RYR1: variants seen among roughly 807,000 people sequenced by gnomAD.
RYR1 encodes the protein central core disease of muscle.
In RYR1, 342 loss-of-function variants were observed where a neutral mutation model predicts 583.5. The ratio of observed to expected loss-of-function variants is 0.59; its 90% CI spans 0.54 to 0.64. The LOEUF (loss-of-function observed/expected upper bound fraction) is 0.64, where lower values mean the gene tolerates loss of function less well. RYR1 is among the 30% of genes least tolerant of loss of function. RYR1 has a pLI of 0.00. For missense variants in RYR1, 6,032 were observed against 6,917.2 expected, an observed-to-expected ratio of 0.87 and a Z score of 4.54; for synonymous variants, 2,791 against 2,822.5, an observed-to-expected ratio of 0.99 and a Z score of 0.35.
intron 101 of RYR1, among the ~76,000 whole-genome samples, chr19:38,582,379 G>A (rs1405537465): frequency 2.0e-5 from 3 of 148,288 alleles, no homozygotes; most frequent in East Asian, 2.0e-4. Flanking sequence ...CCTAGGCAAC[G>A]AGAGTGAAAC....
Position 38,565,769 on chromosome 19 carries a change from G to C in RYR1, c.13435G>C (p.Gly4479Arg), listed in dbSNP as rs1461963903. Residue 4479 changes from glycine (G) to arginine (R), a missense_variant and splice_region_variant, in exon 91 of 106, where the codon GGG becomes CGG. Physicochemically the swap from Gly to Arg is moderately radical, Grantham distance 125 (BLOSUM62 -2). Around this residue, in one of 11 missense-constraint regions of RYR1, gnomAD observed 753 missense variants for 759.6 expected, o/e 0.99. Coordinates refer to ENST00000359596, the MANE Select transcript of RYR1 (RefSeq NM_000540.3). This position sits in a 1 kb window ranked among gnomAD's most constrained non-coding sequence, Gnocchi z 4.7. The stretch of plus-strand genomic sequence containing the variant: ...CTCTCCCATCCTCAAGAGGAAATTG[G>C]GGGTGAGAGAGCAGGCGGGGTTTTG... ...EGSPILKRKLGVDGVEEELPP... is the reference protein window; with the variant it reads ...EGSPILKRKLRVDGVEEELPP... 2.1e-6 allele frequency: 3 copies of C among 1,399,882 alleles called. No individual in the cohort carries two copies. The highest frequency in any genetic ancestry group is 2.8e-6 in the Non-Finnish European group (3 of 1,086,442). 86.7% of individuals were successfully genotyped at this position (1,399,882 alleles called of 1,614,324 possible). A position where few individuals can be genotyped will look rare whatever the true frequency, so the allele number is the denominator to read the frequency against.
At chr19:38,527,842 A>T in intron 73 of RYR1, 58 bp downstream of exon 73, 2 of 1,548,334 alleles carry the variant, frequency 1.3e-6, no homozygotes, top group Non-Finnish European at 1.8e-6. Flanking sequence ...TGGCGGGGGG[A>T]GGGGCTTCAA....
chr19:38,456,764 C>CA (rs1351500689), intron 16 of RYR1, among the ~76,000 whole-genome samples: 1 of 150,976 alleles, frequency 6.6e-6, no homozygotes, highest in Non-Finnish European at 1.5e-5. Context: ...AAAGGAATGA[C>CA]AGCCGGGCAT....
chr19:38,568,022 C>A, intron 93 of RYR1, 105 bp downstream of exon 93: 1 of 1,362,444 alleles, frequency 7.3e-7, no homozygotes, highest in Admixed American at 1.9e-5. Context: ...TGTTCAAGCT[C>A]GTCTCTAAGA....
At chr19:38,457,295 C>T (rs2145405207) in intron 16 of RYR1, among the ~76,000 whole-genome samples, 1 of 152,200 alleles carries the variant, frequency 6.6e-6, no homozygotes, top group East Asian at 1.9e-4. Flanking sequence ...CCTCCCTCAG[C>T]CTCTTGCCAG....
intron 1 of RYR1, 85 bp downstream of exon 1, chr19:38,433,959 C>A: frequency 8.1e-7 from 1 of 1,232,238 alleles, no homozygotes; most frequent in Non-Finnish European, 1.2e-6. Flanking sequence ...CCCTGTCCGG[C>A]TTGCTGGTGG....
chr19:38,523,441 C>A (rs942920574), intron 69 of RYR1, 132 bp downstream of exon 69: 2 of 940,210 alleles, frequency 2.1e-6, no homozygotes, highest in African/African-American at 3.2e-5. Flanking sequence ...AGCAGCCCCT[C>A]TTACCTCCTC....
intron 47 of RYR1, among the ~76,000 whole-genome samples, chr19:38,501,888 A>C: frequency 6.6e-6 from 1 of 152,170 alleles, no homozygotes; most frequent in South Asian, 2.1e-4. Context: ...AGAGAGGCTG[A>C]GGTGGGAGAA....
chr19:38,564,325 A>G (rs1449688544), intron 90 of RYR1, among the ~76,000 whole-genome samples: 1 of 152,162 alleles, frequency 6.6e-6, no homozygotes, highest in Admixed American at 6.5e-5. Flanking sequence ...GGAGTTCCAG[A>G]TCAGCCTGGC....
chr19:38,468,805 G>A (rs1279425501), intron 25 of RYR1, among the ~76,000 whole-genome samples, 161 bp from the exon 26 acceptor site: 1 of 152,156 alleles, frequency 6.6e-6, no homozygotes, highest in Non-Finnish European at 1.5e-5. Flanking sequence ...CAAATGTGAG[G>A]AAAGATGGAG....
chr19:38,537,896 GGAT>G lies in RYR1; in HGVS notation c.11631_11633del (p.Asp3877del). On this transcript the variant is annotated inframe_deletion, in exon 84 of 106. Transcript: ENST00000359596. ...TCCACCTAGGAGAGAAGGTCATGGC[GGAT>G]GATGAATTCACACAAGACCTGTTCC... 1 of 1,614,030 alleles carries G rather than the reference GGAT, an allele frequency of 6.2e-7. No homozygotes were observed. The highest frequency in any genetic ancestry group is 8.5e-7 in the Non-Finnish European group (1 of 1,180,022).
rs12459409 is a variant in RYR1 at position 38,575,718 on chromosome 19, G to A, written c.14130-201G>A. ...CTCAGGAGGCTGAGGCAGGAGAATC[G>A]CTTGAACCTGGGAGGCAAAGTTTGC... On this transcript the variant is annotated intron_variant, in intron 96 of 105. Transcript: ENST00000359596. Among the ~76,000 whole-genome samples the A allele has an allele frequency of 0.054, 8,177 of 152,132 alleles. 351 individuals are homozygous for A. Among genetic ancestry groups the A allele is most frequent in the Admixed American group, 0.1 (1,601 of 15,268 alleles).
Position 38,523,049 on chromosome 19 carries a change from G to A in RYR1, c.10281G>A (p.Pro3427=), listed in dbSNP as rs549379396. ...CCAGGGCGCAGTGGCTGACGGAGCC[G>A]AATCCCAGCGCGGAGGAGCTGTTCA... is the stretch of plus-strand genomic sequence containing the variant. ...DNNRAQWLTE[P]NPSAEELFRM... is the part of the protein sequence containing the mutation. The change falls in exon 68 of 106, where the codon CCG becomes CCA. Residue 3427 remains proline, a synonymous_variant. Transcript: ENST00000359596. 5.5e-5 allele frequency: 88 copies of A among 1,606,814 alleles called. No individual in the cohort carries two copies. Among genetic ancestry groups the A allele is most frequent in the Non-Finnish European group, 7.1e-5 (84 of 1,177,726 alleles).
intron 9 of RYR1, among the ~76,000 whole-genome samples, chr19:38,447,299 G>T (rs1425078477): frequency 1.3e-5 from 2 of 152,218 alleles, no homozygotes; most frequent in African/African-American, 4.8e-5. Context: ...CCAGCACTTT[G>T]GGAGGCCGAG....
chr19:38,515,081 A>G lies in RYR1; in HGVS notation c.9528A>G (p.Gly3176=), dbSNP rs1970899620. ...YRTLCSIYSL[G]TTKNTYVEKL... Reference sequence around the variant, plus strand: ...CGCTGTGCAGTATCTACTCCCTGGGAACCACCAAGAACACTTATGTGGAAA... The same window carrying G: ...CGCTGTGCAGTATCTACTCCCTGGGGACCACCAAGAACACTTATGTGGAAA... The change falls in exon 64 of 106, where the codon GGA becomes GGG. Residue 3176 remains glycine, a synonymous_variant. Coordinates refer to ENST00000359596, the MANE Select transcript of RYR1 (RefSeq NM_000540.3). 2 of 1,613,348 alleles carry G rather than the reference A, an allele frequency of 1.2e-6. No individual in the cohort carries two copies. The highest frequency in any genetic ancestry group is 1.7e-6 in the Non-Finnish European group (2 of 1,179,738).
At position 38,499,658 on chromosome 19, in the gene RYR1, A is replaced by G. The variant is rs376176332; in HGVS notation, c.7051A>G (p.Asn2351Asp). Residue 2351 changes from asparagine (N) to aspartate (D), a missense_variant, in exon 44 of 106, where the codon AAT becomes GAT. Asn to Asp is a conservative substitution (Grantham distance 23, BLOSUM62 1). Coordinates refer to ENST00000359596, the MANE Select transcript of RYR1 (RefSeq NM_000540.3). This position sits in a 1 kb window ranked among gnomAD's most constrained non-coding sequence, Gnocchi z 7.3. ...VNGESVEENANVVVRLLIRKP... is the reference protein window; with the variant it reads ...VNGESVEENADVVVRLLIRKP... The stretch of plus-strand genomic sequence containing the variant: ...AGGCGAGAGCGTGGAGGAGAACGCC[A>G]ATGTGGTGGTGCGGCTGCTCATCCG... 1.3e-6 allele frequency: 2 copies of G among 1,598,864 alleles called. No individual in the cohort carries two copies. The highest frequency in any genetic ancestry group is 2.7e-5 in the African/African-American group (2 of 74,964).
In RYR1 at chr19:38,565,197, C is replaced by T. The variant is rs531248900; in HGVS notation, c.12863C>T (p.Thr4288Met). ...GCGGGGCTCGAGGGCACGGCGGCCA[C>T]GGCGGCGGCGGGGGCGACGGCGCGG... ...GAAGLEGTAA[T>M]AAAGATARVV... Residue 4288 changes from threonine to methionine, a missense_variant, in exon 91 of 106, where the codon ACG becomes ATG. Thr to Met is a moderately conservative substitution (Grantham distance 81). Transcript: ENST00000359596. This position sits in a 1 kb window ranked among gnomAD's most constrained non-coding sequence, Gnocchi z 4.7. 8 of 1,023,010 alleles carry T rather than the reference C, an allele frequency of 7.8e-6. No individual in the cohort carries two copies. The South Asian group carries it at 1.8e-4, about 23-fold the overall frequency. 63.4% of individuals were successfully genotyped at this position (1,023,010 alleles called of 1,614,324 possible).
Position 38,565,746 on chromosome 19 carries a change from C to G in RYR1, c.13412C>G (p.Ser4471Cys). The part of the protein sequence containing the change: ...TPAEPPTPEG[S>C]PILKRKLGVD... ...GCGGAACCGCCCACACCCGAGGGCT[C>G]TCCCATCCTCAAGAGGAAATTGGGG... The change falls in exon 91 of 106, where the codon TCT becomes TGT. Residue 4471 changes from serine (S) to cysteine (C), a missense_variant. Physicochemically the swap from Ser to Cys is moderately radical, Grantham distance 112. Transcript: ENST00000359596. The surrounding 1 kb of genome is among the most constrained non-coding windows in gnomAD (Gnocchi z 4.7). 1 of 1,420,430 alleles carries G rather than the reference C, an allele frequency of 7.0e-7. No individual in the cohort carries two copies. Among genetic ancestry groups the G allele is most frequent in the Non-Finnish European group, 9.1e-7 (1 of 1,094,896 alleles). 88.0% of individuals were successfully genotyped at this position (1,420,430 alleles called of 1,614,324 possible).
chr19:38,497,855 T>C (rs1363246920), intron 42 of RYR1, among the ~76,000 whole-genome samples: 1 of 151,896 alleles, frequency 6.6e-6, no homozygotes, highest in African/African-American at 2.4e-5. Context: ...GTAACTGTAG[T>C]CCCAGCTACT....
Sources: gnomAD v4.1 joint callset for allele counts (sites outside exome capture counted in the v4.1 genomes callset) on GRCh38, gnomAD v4.1.1 for gene constraint, gnomAD v4.1.1 regional missense constraint, Gnocchi (gnomAD v3.1) non-coding constraint, MANE v1.5 for transcripts, NCBI Gene and HGNC (gene_info 2026-07-23, HGNC 2026-07-21) for gene names.